The following SIAH3 variants were observed in gnomAD, a reference collection of about 807,000 sequenced individuals.
The protein encoded by SIAH3 is siah E3 ubiquitin protein ligase family member 3.
SIAH3 carries 9 observed loss-of-function variants against 12.6 expected under a neutral mutation model. The ratio of observed to expected loss-of-function variants is 0.72; its 90% CI spans 0.43 to 1.25. The LOEUF (loss-of-function observed/expected upper bound fraction) is 1.25, where lower values mean the gene tolerates loss of function less well. Ranked by LOEUF, SIAH3 falls within the 50% of genes most tolerant of loss-of-function variation. SIAH3 has a pLI of 0.00. For synonymous variants in SIAH3, 154 were observed against 151.1 expected (o/e 1.02, Z -0.14); for missense variants, 390 against 365.4 (o/e 1.07, Z -0.55).
At position 45,781,164 on chromosome 13, in the gene SIAH3, A is replaced by G. The variant is rs544282273; in HGVS notation, c.*2219T>C. Reference sequence around the variant, plus strand: ...AAGTCATTCCCAGTGTGGCTCAGGTAACTTGGCACAACCAGAAGGCAAAGG... The same window carrying G: ...AAGTCATTCCCAGTGTGGCTCAGGTGACTTGGCACAACCAGAAGGCAAAGG... On this transcript the variant is annotated 3_prime_UTR_variant, in exon 2 of 2. Coordinates refer to ENST00000400405, the MANE Select transcript of SIAH3 (RefSeq NM_198849.3). 2 of 152,780 alleles carry G rather than the reference A, an allele frequency of 1.3e-5. No homozygotes were observed. The highest frequency in any genetic ancestry group is 6.5e-5 in the Admixed American group (1 of 15,312). The allele number at this position is 152,780 out of a possible 1,614,324, so 9.5% of individuals were successfully genotyped here.
At chr13:45,837,454 G>A (rs1432957221) in intron 1 of SIAH3, among the ~76,000 whole-genome samples, 1 of 151,876 alleles carries the variant, frequency 6.6e-6, no homozygotes, top group African/African-American at 2.4e-5. Flanking sequence ...AAAAAGGAAG[G>A]AAGGGAGGAA....
chr13:45,791,815 T>G (rs7334200), intron 1 of SIAH3, among the ~76,000 whole-genome samples: 4,831 of 152,274 alleles, frequency 0.032, 236 homozygotes, highest in African/African-American at 0.11. Flanking sequence ...CTGGGTTAAC[T>G]CAGCAAATCA....
chr13:45,783,222 TA>T lies in SIAH3; in HGVS notation c.*160del, dbSNP rs1184305853. On this transcript the variant is annotated 3_prime_UTR_variant, in exon 2 of 2. Coordinates refer to ENST00000400405, the MANE Select transcript of SIAH3 (RefSeq NM_198849.3). ...TATAATGCCCATGGCAGACAAAAACTAAATCTCACAAAGTACCTGAGACAAA... is the reference window on the plus strand; with the variant it reads ...TATAATGCCCATGGCAGACAAAAACTAATCTCACAAAGTACCTGAGACAAA... 2 of 428,420 alleles carry T rather than the reference TA, an allele frequency of 4.7e-6. No individual in the cohort carries two copies. Among genetic ancestry groups the T allele is most frequent in the Non-Finnish European group, 7.6e-6 (2 of 262,062 alleles). The allele number at this position is 428,420 out of a possible 1,614,324, so 26.5% of individuals were successfully genotyped here. A position where few individuals can be genotyped will look rare whatever the true frequency, so the allele number is the denominator to read the frequency against.
At position 45,819,011 on chromosome 13, in the gene SIAH3, G is replaced by A. The variant is rs139425848; in HGVS notation, c.135+32484C>T. On this transcript the variant is annotated intron_variant, in intron 1 of 1. Transcript: ENST00000400405. ...GTGCTCACATTCTAATGAAGAGATGGACAAGGAAACCCACCTTTACAGGGT... is the reference window on the plus strand; with the variant it reads ...GTGCTCACATTCTAATGAAGAGATGAACAAGGAAACCCACCTTTACAGGGT... Among the ~76,000 whole-genome samples the A allele has an allele frequency of 1.9e-3, 287 of 152,262 alleles. 2 individuals carry two copies. Among genetic ancestry groups the A allele is most frequent in the Non-Finnish European group, 3.1e-3 (210 of 68,022 alleles).
intron 1 of SIAH3, among the ~76,000 whole-genome samples, chr13:45,825,238 G>A (rs531367710): frequency 5.9e-5 from 9 of 152,270 alleles, no homozygotes; most frequent in Admixed American, 5.2e-4. Context: ...GCGTTTTGAT[G>A]GGAGCGCTTT....
At chr13:45,835,414 A>G (rs1049418431) in intron 1 of SIAH3, among the ~76,000 whole-genome samples, 2 of 152,142 alleles carry the variant, frequency 1.3e-5, no homozygotes, top group Non-Finnish European at 2.9e-5. Flanking sequence ...CCCTCCTCAC[A>G]TCTAGTAATG....
At chr13:45,814,681 C>A (rs1566092304) in intron 1 of SIAH3, among the ~76,000 whole-genome samples, 1 of 151,998 alleles carries the variant, frequency 6.6e-6, no homozygotes, top group Non-Finnish European at 1.5e-5. Context: ...TATTTGCCCC[C>A]AGAGTTCTAG....
rs934431951 is a variant in SIAH3, at chr13:45,851,689, G to A, written c.-60C>T. On this transcript the variant is annotated 5_prime_UTR_variant, in exon 1 of 2. Coordinates refer to ENST00000400405, the MANE Select transcript of SIAH3 (RefSeq NM_198849.3). Reference sequence around the variant, plus strand: ...AGCGGAGGAAGCTGTGAGTCCTTGGGCCCTGGAAGGAGCGCAGCCTCTGAG... The same window carrying A: ...AGCGGAGGAAGCTGTGAGTCCTTGGACCCTGGAAGGAGCGCAGCCTCTGAG... 1.2e-5 allele frequency: 20 copies of A among 1,609,006 alleles called. No homozygotes were observed. The highest frequency in any genetic ancestry group is 1.8e-4 in the Middle Eastern group (1 of 5,554).
At chr13:45,800,972 A>G (rs894893541) in intron 1 of SIAH3, among the ~76,000 whole-genome samples, 3 of 151,820 alleles carry the variant, frequency 2.0e-5, no homozygotes, top group Admixed American at 1.3e-4. Flanking sequence ...TCCCATGAGA[A>G]GGGTAGACTC....
chr13:45,803,212 G>A (rs1950588305), intron 1 of SIAH3, among the ~76,000 whole-genome samples: 1 of 152,186 alleles, frequency 6.6e-6, no homozygotes, highest in South Asian at 2.1e-4. Context: ...CACAGCAAGT[G>A]ATCAGGTAGT....
At chr13:45,825,751 T>G (rs1305194602) in intron 1 of SIAH3, among the ~76,000 whole-genome samples, 1 of 152,234 alleles carries the variant, frequency 6.6e-6, no homozygotes, top group African/African-American at 2.4e-5. Flanking sequence ...ACAGCATCAG[T>G]GCACACTGGG....
At chr13:45,827,085 A>G (rs546642048) in intron 1 of SIAH3, among the ~76,000 whole-genome samples, 26 of 152,158 alleles carry the variant, frequency 1.7e-4, no homozygotes, top group Non-Finnish European at 3.1e-4. Flanking sequence ...CTCTGAGCCA[A>G]TCACTATTCT....
intron 1 of SIAH3, among the ~76,000 whole-genome samples, chr13:45,792,273 A>T (rs1950547940): frequency 6.6e-6 from 1 of 152,128 alleles, no homozygotes; most frequent in African/African-American, 2.4e-5. Context: ...AGACTCATCA[A>T]AGCCCAGGAT....
chr13:45,794,079 G>T (rs973755282), intron 1 of SIAH3, among the ~76,000 whole-genome samples: 1 of 149,350 alleles, frequency 6.7e-6, no homozygotes, highest in African/African-American at 2.5e-5. Flanking sequence ...TTCAGAAGCT[G>T]TGTGGCCCTC....
rs117365592 is a variant in SIAH3 at position 45,829,966 on chromosome 13, G to A, written c.135+21529C>T. ...TGCCTCTAACATTTGCGAGACCCTG[G>A]GCAAGGGTCACAGAAAGAAGCATGA... is the stretch of plus-strand genomic sequence containing the variant. On this transcript the variant is annotated intron_variant, in intron 1 of 1. Transcript: ENST00000400405. Among the ~76,000 whole-genome samples the A allele has an allele frequency of 7.6e-4, 116 of 152,240 alleles. 1 individual carries two copies. In the East Asian group the frequency reaches 0.02, roughly 27 times the overall value.
chr13:45,791,390 T>C (rs747860253), intron 1 of SIAH3, among the ~76,000 whole-genome samples: 20 of 152,194 alleles, frequency 1.3e-4, no homozygotes, highest in Non-Finnish European at 2.1e-4. Flanking sequence ...AATGAATGAA[T>C]GAATGATTCA....
rs540149204 is a variant in SIAH3, at chr13:45,834,720, A to AC, written c.135+16774dup. On this transcript the variant is annotated intron_variant, in intron 1 of 1. Coordinates refer to ENST00000400405, the MANE Select transcript of SIAH3 (RefSeq NM_198849.3). ...ACTGTGGGCCAGAAGAGGGGTGCTG[A>AC]CCGTCTTGTGCAGGTACCTAAACTT... is the stretch of plus-strand genomic sequence containing the variant. Among the ~76,000 whole-genome samples, 4 of 152,198 alleles carry AC rather than the reference A, an allele frequency of 2.6e-5. No homozygotes were observed. The East Asian group carries it at 5.8e-4, about 22-fold the overall frequency.
At chr13:45,812,192 T>G (rs980696473) in intron 1 of SIAH3, among the ~76,000 whole-genome samples, 1 of 152,232 alleles carries the variant, frequency 6.6e-6, no homozygotes, top group Non-Finnish European at 1.5e-5. Context: ...GGGCTGATGA[T>G]GTAGGTCCAA....
At chr13:45,842,257 GCAGGACTCAC>G (rs1478547878) in intron 1 of SIAH3, among the ~76,000 whole-genome samples, 1 of 152,192 alleles carries the variant, frequency 6.6e-6, no homozygotes, top group Non-Finnish European at 1.5e-5. Flanking sequence ...TAACATCTCT[GCAGGACTCAC>G]CTACTAGTAA....
Sources: gnomAD v4.1 joint callset for allele counts (sites outside exome capture counted in the v4.1 genomes callset) on GRCh38, gnomAD v4.1.1 for gene constraint, MANE v1.5 for transcripts, NCBI Gene and HGNC (gene_info 2026-07-23, HGNC 2026-07-21) for gene names.